The following BCAS3 variants were observed in gnomAD, a reference collection of about 807,000 sequenced individuals.
BCAS3 encodes BCAS3 microtubule associated cell migration factor, also known as BCAS4/BCAS3 fusion.
Under a neutral mutation model 116.1 loss-of-function variants are expected in BCAS3, and 53 were observed. The observed-to-expected ratio is 0.46, with a 90% CI of 0.37 to 0.57. The LOEUF (loss-of-function observed/expected upper bound fraction) is 0.57. Among genes scored for constraint, BCAS3 ranks in the 20% least tolerant of loss-of-function variants. BCAS3 has a pLI of 0.00. For missense variants in BCAS3, 917 were observed against 1,165.4 expected, an observed-to-expected ratio of 0.79 and a Z score of 3.10; for synonymous variants, 391 against 408.2, an observed-to-expected ratio of 0.96 and a Z score of 0.51.
intron 13 of BCAS3, among the ~76,000 whole-genome samples, chr17:60,928,522 T>A (rs1599748667): frequency 6.6e-6 from 1 of 152,172 alleles, no homozygotes; most frequent in Non-Finnish European, 1.5e-5. Flanking sequence ...CAGTGGAGGG[T>A]TTATAACTCA....
chr17:61,014,112 A>T (rs1214546385), intron 15 of BCAS3, among the ~76,000 whole-genome samples: 3 of 152,250 alleles, frequency 2.0e-5, no homozygotes, highest in Non-Finnish European at 4.4e-5. Flanking sequence ...TACTGTGGTT[A>T]TTTAAAAAAT....
At chr17:60,831,474 C>T (rs528675698) in intron 7 of BCAS3, among the ~76,000 whole-genome samples, 1 of 152,264 alleles carries the variant, frequency 6.6e-6, no homozygotes, top group East Asian at 1.9e-4. Flanking sequence ...ACTGCACCGA[C>T]CTATGTTATG....
chr17:61,277,874 A>T (rs1488027437), intron 22 of BCAS3, among the ~76,000 whole-genome samples: 1 of 152,220 alleles, frequency 6.6e-6, no homozygotes, highest in East Asian at 1.9e-4. Flanking sequence ...GAGAAGTTGT[A>T]ACCCTCATAC....
chr17:60,737,992 G>A (rs1356807870), intron 5 of BCAS3, among the ~76,000 whole-genome samples: 1 of 152,064 alleles, frequency 6.6e-6, no homozygotes, highest in Non-Finnish European at 1.5e-5. Flanking sequence ...TCACCATGTT[G>A]GCCAGGCTGG....
chr17:60,937,759 C>G (rs2060010529), intron 13 of BCAS3, among the ~76,000 whole-genome samples: 1 of 152,136 alleles, frequency 6.6e-6, no homozygotes, highest in African/African-American at 2.4e-5. Flanking sequence ...TTTACTATCC[C>G]TTCTGTCTAC....
intron 22 of BCAS3, among the ~76,000 whole-genome samples, chr17:61,291,784 A>C (rs1431971816): frequency 6.6e-6 from 1 of 152,178 alleles, no homozygotes; most frequent in Non-Finnish European, 1.5e-5. Context: ...GGTTTGGTTG[A>C]AAGTGGGCTG....
At chr17:60,707,325 G>A (rs1475149267) in intron 4 of BCAS3, among the ~76,000 whole-genome samples, 1 of 151,416 alleles carries the variant, frequency 6.6e-6, no homozygotes, top group African/African-American at 2.4e-5. Context: ...ATGGGGTTTC[G>A]CCATGTTGCC....
chr17:60,948,064 A>C (rs1279364934), intron 14 of BCAS3, among the ~76,000 whole-genome samples: 1 of 152,006 alleles, frequency 6.6e-6, no homozygotes, highest in African/African-American at 2.4e-5. Context: ...TAAGTGCTTC[A>C]CATATATTTA....
Position 61,056,603 on chromosome 17 carries a change from T to G in BCAS3, c.2029+15711T>G, listed in dbSNP as rs1346701511. Among the ~76,000 whole-genome samples, 1 of 152,184 alleles carries G rather than the reference T, an allele frequency of 6.6e-6. No homozygotes were observed. Among genetic ancestry groups the G allele is most frequent in the Non-Finnish European group, 1.5e-5 (1 of 68,036 alleles). On this transcript the variant is annotated intron_variant, in intron 19 of 23. Coordinates refer to ENST00000407086, the MANE Select transcript of BCAS3 (RefSeq NM_017679.5). The surrounding 1 kb of genome is among the most constrained non-coding windows in gnomAD (Gnocchi z 4.9). ...TTCCCCTTAGAACTTACTGATGTTG[T>G]GTTTATTGTTATATATACTGGCTTG...
At chr17:61,049,465 T>G (rs1011874988) in intron 19 of BCAS3, among the ~76,000 whole-genome samples, 1 of 151,812 alleles carries the variant, frequency 6.6e-6, no homozygotes, top group African/African-American at 2.4e-5. Context: ...AAACAGAATT[T>G]CTGAAGAAGG....
intron 22 of BCAS3, among the ~76,000 whole-genome samples, chr17:61,206,662 A>G (rs773579292): frequency 6.6e-6 from 1 of 151,884 alleles, no homozygotes; most frequent in African/African-American, 2.4e-5. Context: ...TTAGCCGGGC[A>G]TGGTTGTGCA....
chr17:61,376,516 G>A lies in BCAS3; in HGVS notation c.2593+8022G>A, dbSNP rs1333659616. On this transcript the variant is annotated intron_variant, in intron 23 of 23. Transcript: ENST00000407086. This position sits in a 1 kb window ranked among gnomAD's most constrained non-coding sequence, Gnocchi z 4.5. Reference sequence around the variant, plus strand: ...TTTCGGCCTCCTGAAAGTAGGAATCGCTCTCCTCTCCAGGATCCCCAGTGT... The same window carrying A: ...TTTCGGCCTCCTGAAAGTAGGAATCACTCTCCTCTCCAGGATCCCCAGTGT... Among the ~76,000 whole-genome samples, 2 of 152,162 alleles carry A rather than the reference G, an allele frequency of 1.3e-5. No homozygotes were observed. The highest frequency in any genetic ancestry group is 1.9e-4 in the East Asian group (1 of 5,200).
intron 22 of BCAS3, among the ~76,000 whole-genome samples, chr17:61,195,008 CT>C (rs1438318566): frequency 6.6e-6 from 1 of 152,186 alleles, no homozygotes; most frequent in Non-Finnish European, 1.5e-5. Context: ...CTAATACTGC[CT>C]TCTTTCTGAC....
At chr17:60,972,731 C>A (rs1211711100) in intron 14 of BCAS3, among the ~76,000 whole-genome samples, 1 of 152,142 alleles carries the variant, frequency 6.6e-6, no homozygotes, top group African/African-American at 2.4e-5. Flanking sequence ...AGATTGCAGG[C>A]ATGGGTCACT....
At chr17:60,721,659 G>A (rs181195577) in intron 5 of BCAS3, among the ~76,000 whole-genome samples, 1 of 152,188 alleles carries the variant, frequency 6.6e-6, no homozygotes, top group East Asian at 1.9e-4. Context: ...TTGGACCTAA[G>A]CTGATTTATA....
At chr17:60,987,857 CT>C (rs2063248943) in intron 14 of BCAS3, among the ~76,000 whole-genome samples, 1 of 152,080 alleles carries the variant, frequency 6.6e-6, no homozygotes, top group Non-Finnish European at 1.5e-5. Flanking sequence ...ACTTCCGGTA[CT>C]TTGTTGAATA....
chr17:60,929,824 GT>G (rs917142722), intron 13 of BCAS3, among the ~76,000 whole-genome samples: 8 of 148,816 alleles, frequency 5.4e-5, no homozygotes, highest in African/African-American at 2.0e-4. Context: ...GCGGTGTTTG[GT>G]TTTTTGTCCT....
intron 13 of BCAS3, among the ~76,000 whole-genome samples, chr17:60,929,866 A>G (rs1038449368): frequency 1.3e-5 from 2 of 151,724 alleles, no homozygotes; most frequent in African/African-American, 4.8e-5. Flanking sequence ...GATGATTTCC[A>G]ATTTCATCTA....
intron 22 of BCAS3, among the ~76,000 whole-genome samples, chr17:61,192,246 CAAAAA>C (rs60456812): frequency 1.4e-5 from 1 of 70,678 alleles, no homozygotes; most frequent in Non-Finnish European, 2.8e-5. Flanking sequence ...GCTCTGTTAC[CAAAAA>C]AAAAAAAAAA....
Sources: gnomAD v4.1 joint callset for allele counts (sites outside exome capture counted in the v4.1 genomes callset) on GRCh38, gnomAD v4.1.1 for gene constraint, Gnocchi (gnomAD v3.1) non-coding constraint, MANE v1.5 for transcripts, NCBI Gene and HGNC (gene_info 2026-07-23, HGNC 2026-07-21) for gene names.